SEL1L3: variants seen among roughly 807,000 people sequenced by gnomAD.
The protein encoded by SEL1L3 is protein sel-1 homolog 3.
A neutral mutation model predicts 142.8 loss-of-function variants in SEL1L3; 76 were observed. That is an observed-to-expected ratio of 0.53 (90% CI 0.44 to 0.64). SEL1L3 has a LOEUF of 0.64. Among genes scored for constraint, SEL1L3 ranks in the 30% least tolerant of loss-of-function variants. SEL1L3 has a pLI of 0.00. For synonymous variants in SEL1L3, 504 were observed against 519.6 expected, an observed-to-expected ratio of 0.97 and a Z score of 0.41; for missense variants, 1,262 against 1,381.7, an observed-to-expected ratio of 0.91 and a Z score of 1.37.
chr4:25,820,245 C>T (rs1714663278), intron 7 of SEL1L3, among the ~76,000 whole-genome samples: 1 of 152,196 alleles, frequency 6.6e-6, no homozygotes, highest in Admixed American at 6.5e-5. Context: ...GAAAATCACA[C>T]TCACCTCCCC....
chr4:25,726,258 G>A, the SEL1L3 span, among the ~76,000 whole-genome samples: 5 of 151,236 alleles, frequency 3.3e-5, no homozygotes, highest in East Asian at 1.9e-4. Flanking sequence ...GGCCTGGCAC[G>A]ATGGCTCACA....
chr4:25,838,521 A>C (rs757299675), intron 2 of SEL1L3, among the ~76,000 whole-genome samples: 1 of 152,202 alleles, frequency 6.6e-6, no homozygotes, highest in South Asian at 2.1e-4. Context: ...TTCTTCTCAC[A>C]AGTCCTCCCA....
intron 8 of SEL1L3, among the ~76,000 whole-genome samples, chr4:25,818,900 T>C (rs1714571500): frequency 6.6e-6 from 1 of 152,192 alleles, no homozygotes. Flanking sequence ...TCACCATCTG[T>C]AATCACTACC....
chr4:25,750,090 C>T (rs985704197), intron 23 of SEL1L3, among the ~76,000 whole-genome samples: 1 of 151,926 alleles, frequency 6.6e-6, no homozygotes, highest in Non-Finnish European at 1.5e-5. Context: ...AAAAATTAGC[C>T]GGGCGTGGTG....
chr4:25,845,250 T>G (rs1435615815), intron 2 of SEL1L3, among the ~76,000 whole-genome samples: 1 of 152,192 alleles, frequency 6.6e-6, no homozygotes, highest in Non-Finnish European at 1.5e-5. Context: ...AATTCAGCAC[T>G]TTGGAAGGCC....
intron 9 of SEL1L3, among the ~76,000 whole-genome samples, chr4:25,817,149 A>G (rs1714439414): frequency 6.6e-6 from 1 of 152,228 alleles, no homozygotes; most frequent in South Asian, 2.1e-4. Flanking sequence ...AAAATATCCT[A>G]TATGACTTGA....
chr4:25,849,290 A>G (rs28845911), intron 1 of SEL1L3, among the ~76,000 whole-genome samples: 16,313 of 152,230 alleles, frequency 0.11, 2,928 homozygotes, highest in African/African-American at 0.37. Context: ...GGGTCCATCC[A>G]TGGATGAATG....
rs189371483 is a variant in SEL1L3, at chr4:25,764,443, G to T, written c.2955+883C>A. 5.9e-5 allele frequency among the ~76,000 whole-genome samples: 9 copies of T among 152,274 alleles called. No individual in the cohort carries two copies. The South Asian group carries it at 1.7e-3, about 28-fold the overall frequency. ...CAGTTATGTCAGATGTGAACATTAG[G>T]GGAAGCTGAATGAAGGGTATACAGA... On this transcript the variant is annotated intron_variant, in intron 20 of 23. Coordinates refer to ENST00000399878, the MANE Select transcript of SEL1L3 (RefSeq NM_015187.5).
chr4:25,729,680 C>A, the SEL1L3 span, among the ~76,000 whole-genome samples: 1 of 152,272 alleles, frequency 6.6e-6, no homozygotes, highest in South Asian at 2.1e-4. Context: ...CGGCACTGCA[C>A]TTCAGCCTGG....
At chr4:25,836,869 A>G (rs949326027) in intron 2 of SEL1L3, among the ~76,000 whole-genome samples, 1 of 152,120 alleles carries the variant, frequency 6.6e-6, no homozygotes, top group Non-Finnish European at 1.5e-5. Flanking sequence ...AAAAAGTTTT[A>G]TTATATAGAG....
At chr4:25,837,049 T>C (rs1169654713) in intron 2 of SEL1L3, among the ~76,000 whole-genome samples, 1 of 152,110 alleles carries the variant, frequency 6.6e-6, no homozygotes, top group Admixed American at 6.5e-5. Flanking sequence ...AGTGGAGTTA[T>C]CAATTTCAAC....
chr4:25,804,831 A>T, intron 9 of SEL1L3, 79 bp from the exon 10 acceptor site: 2 of 1,037,910 alleles, frequency 1.9e-6, no homozygotes, highest in Admixed American at 1.9e-5. Flanking sequence ...GGAAAAGCCA[A>T]TTAAATCACC....
At chr4:25,820,616 G>C (rs1038748474) in intron 7 of SEL1L3, among the ~76,000 whole-genome samples, 13 of 152,210 alleles carry the variant, frequency 8.5e-5, no homozygotes, top group African/African-American at 3.1e-4. Flanking sequence ...CAGAGTTTTG[G>C]TGGTGTTTTT....
At chr4:25,726,997 G>A in the SEL1L3 span, among the ~76,000 whole-genome samples, 3 of 140,902 alleles carry the variant, frequency 2.1e-5, no homozygotes, top group Admixed American at 1.4e-4. Flanking sequence ...CATGTGGTTG[G>A]TCGTCCCCCA....
chr4:25,838,726 G>T (rs1715987349), intron 2 of SEL1L3, among the ~76,000 whole-genome samples: 1 of 152,098 alleles, frequency 6.6e-6, no homozygotes, highest in Non-Finnish European at 1.5e-5. Context: ...CAGCACTAAG[G>T]CTAGCACCCA....
chr4:25,728,305 T>C, the SEL1L3 span, among the ~76,000 whole-genome samples: 1 of 152,126 alleles, frequency 6.6e-6, no homozygotes, highest in Non-Finnish European at 1.5e-5. Flanking sequence ...GGCTTTCTAT[T>C]TGCAAAGTTT....
At chr4:25,753,398 C>T (rs1052425287) in intron 23 of SEL1L3, among the ~76,000 whole-genome samples, 4 of 152,246 alleles carry the variant, frequency 2.6e-5, no homozygotes, top group African/African-American at 9.6e-5. Context: ...AGGCTCCTAA[C>T]TCTCAAATAC....
chr4:25,850,068 G>A (rs1272277855), intron 1 of SEL1L3, among the ~76,000 whole-genome samples: 4 of 152,202 alleles, frequency 2.6e-5, no homozygotes, highest in Non-Finnish European at 5.9e-5. Flanking sequence ...CCGGGCAAGA[G>A]GCAGGGGAAT....
At chr4:25,757,505 T>C in intron 23 of SEL1L3, 29 bp downstream of exon 23, 1 of 1,317,314 alleles carries the variant, frequency 7.6e-7, no homozygotes, top group South Asian at 1.4e-5. Context: ...TTTTTTAATA[T>C]ATTGCTTTCG....
Sources: gnomAD v4.1 joint callset for allele counts (sites outside exome capture counted in the v4.1 genomes callset) on GRCh38, gnomAD v4.1.1 for gene constraint, MANE v1.5 for transcripts, NCBI Gene and HGNC (gene_info 2026-07-23, HGNC 2026-07-21) for gene names.